GRID1: variants seen among roughly 807,000 people sequenced by gnomAD.
The protein encoded by GRID1 is glutamate receptor ionotropic, delta-1.
GRID1 carries 28 observed loss-of-function variants against 98.0 expected under a neutral mutation model. The ratio of observed to expected loss-of-function variants is 0.29; its 90% CI spans 0.21 to 0.39. The LOEUF (loss-of-function observed/expected upper bound fraction) is 0.39. Ranked by LOEUF, GRID1 falls within the 10% of genes least tolerant of loss-of-function variation. The pLI is 1.00. For missense variants in GRID1, 1,111 were observed against 1,340.5 expected (o/e 0.83, Z 2.67); for synonymous variants, 553 against 538.5 (o/e 1.03, Z -0.37).
chr10:85,904,491 A>G (rs117668618), intron 5 of GRID1, among the ~76,000 whole-genome samples: 5,897 of 152,306 alleles, frequency 0.039, 162 homozygotes, highest in Middle Eastern at 0.092. Context: ...AGAGAGAAGA[A>G]AACTGCACAG....
At chr10:85,647,913 G>C (rs1843216917) in intron 12 of GRID1, 1 of 153,470 alleles carries the variant, frequency 6.5e-6, no homozygotes. Context: ...CGCACTCAGA[G>C]ACCAACTGAC....
intron 2 of GRID1, among the ~76,000 whole-genome samples, chr10:86,301,731 T>G (rs1847690543): frequency 6.6e-6 from 1 of 152,246 alleles, no homozygotes; most frequent in Non-Finnish European, 1.5e-5. Context: ...TTGTCACCAT[T>G]GGTCCCAGGA....
At chr10:86,135,594 AG>A (rs913929858) in intron 4 of GRID1, among the ~76,000 whole-genome samples, 3 of 152,002 alleles carry the variant, frequency 2.0e-5, no homozygotes, top group Non-Finnish European at 4.4e-5. Flanking sequence ...GAGGGATGTG[AG>A]GGGTCTCTAG....
chr10:86,231,868 C>A (rs1846458418), intron 2 of GRID1, among the ~76,000 whole-genome samples: 1 of 152,208 alleles, frequency 6.6e-6, no homozygotes, highest in Non-Finnish European at 1.5e-5. Flanking sequence ...AGGAAGCAAG[C>A]AGTCCAGGAC....
At chr10:85,859,847 G>A (rs985359533) in intron 6 of GRID1, among the ~76,000 whole-genome samples, 1 of 152,136 alleles carries the variant, frequency 6.6e-6, no homozygotes, top group African/African-American at 2.4e-5. Flanking sequence ...GGTAGGAAAG[G>A]CCCTAACCTC....
chr10:85,698,135 C>T (rs1482899720), intron 12 of GRID1, among the ~76,000 whole-genome samples: 1 of 152,012 alleles, frequency 6.6e-6, no homozygotes, highest in Non-Finnish European at 1.5e-5. Flanking sequence ...ATCAAATTTA[C>T]AAATTTAAAA....
At chr10:85,694,550 GTATATATATATATATATA>G (rs56344083) in intron 12 of GRID1, among the ~76,000 whole-genome samples, 11,188 of 92,580 alleles carry the variant, frequency 0.12, 893 homozygotes, top group Admixed American at 0.19. Context: ...AATGTGGTGT[GTATATATATATATATATA>G]TATATATATA....
intron 4 of GRID1, among the ~76,000 whole-genome samples, chr10:86,073,668 G>A (rs770347681): frequency 5.9e-5 from 9 of 152,156 alleles, no homozygotes; most frequent in South Asian, 2.1e-4. Flanking sequence ...ATTGAGCTCC[G>A]GATCATAAGG....
At chr10:86,139,121 C>T in intron 3 of GRID1, 97 bp from the exon 4 acceptor site, 1 of 817,238 alleles carries the variant, frequency 1.2e-6, no homozygotes. Context: ...CCCATGCAGG[C>T]CACCACGAAA....
intron 2 of GRID1, among the ~76,000 whole-genome samples, chr10:86,338,211 G>A (rs1181990530): frequency 5.3e-5 from 8 of 152,110 alleles, no homozygotes; most frequent in Non-Finnish European, 8.8e-5. Context: ...GGCCAATCAG[G>A]ATATCCATTC....
intron 2 of GRID1, among the ~76,000 whole-genome samples, chr10:86,319,442 T>C (rs1041819051): frequency 6.6e-6 from 1 of 152,154 alleles, no homozygotes; most frequent in Non-Finnish European, 1.5e-5. Context: ...TCAGCCAGGA[T>C]TGCAGAGCCA....
At chr10:85,703,878 C>A (rs1207462648) in intron 12 of GRID1, among the ~76,000 whole-genome samples, 2 of 152,022 alleles carry the variant, frequency 1.3e-5, no homozygotes, top group South Asian at 2.1e-4. Flanking sequence ...CTGGTTGTTC[C>A]TTTCCATGTT....
chr10:86,126,412 G>T (rs2131963297), intron 4 of GRID1, among the ~76,000 whole-genome samples: 1 of 152,302 alleles, frequency 6.6e-6, no homozygotes, highest in East Asian at 1.9e-4. Flanking sequence ...CTGAGATCGT[G>T]CCTCTGCACT....
intron 8 of GRID1, among the ~76,000 whole-genome samples, chr10:85,839,353 C>T (rs1842941661): frequency 6.6e-6 from 1 of 152,202 alleles, no homozygotes; most frequent in Admixed American, 6.5e-5. Flanking sequence ...CTCATTGCCA[C>T]ATGGCACATA....
At chr10:86,363,652 A>ACGCCTGCGCAGCCC (rs1848634024) in intron 2 of GRID1, among the ~76,000 whole-genome samples, 1 of 151,540 alleles carries the variant, frequency 6.6e-6, no homozygotes, top group African/African-American at 2.4e-5. Flanking sequence ...CTGCGCGGCC[A>ACGCCTGCGCAGCCC]GCGCTGGGCG....
chr10:86,251,350 T>TAA (rs61715346), intron 2 of GRID1, among the ~76,000 whole-genome samples: 3 of 142,808 alleles, frequency 2.1e-5, no homozygotes, highest in African/African-American at 8.0e-5. Context: ...CAATAAATAC[T>TAA]AAAAAAAAAA....
At chr10:85,628,037 A>G (rs1842931819) in intron 13 of GRID1, among the ~76,000 whole-genome samples, 1 of 151,466 alleles carries the variant, frequency 6.6e-6, no homozygotes, top group Non-Finnish European at 1.5e-5. Context: ...GTGCATGAGA[A>G]TTGTGTATGT....
chr10:85,934,455 C>T (rs1470717115), intron 4 of GRID1, among the ~76,000 whole-genome samples: 1 of 132,806 alleles, frequency 7.5e-6, no homozygotes, highest in African/African-American at 2.9e-5. Flanking sequence ...CACACACACA[C>T]AGAGCAAAGA....
chr10:85,836,710 T>A (rs977105161), intron 8 of GRID1, among the ~76,000 whole-genome samples: 3 of 152,154 alleles, frequency 2.0e-5, no homozygotes, highest in African/African-American at 4.8e-5. Flanking sequence ...AATAAGAGAC[T>A]TTAGCTTTAG....
Sources: gnomAD v4.1 joint callset for allele counts (sites outside exome capture counted in the v4.1 genomes callset) on GRCh38, gnomAD v4.1.1 for gene constraint, MANE v1.5 for transcripts, NCBI Gene and HGNC (gene_info 2026-07-23, HGNC 2026-07-21) for gene names.